Variants in APBA2 observed in about 807,000 individuals in gnomAD.
APBA2 encodes amyloid beta precursor protein binding family A member 2, also known as amyloid-beta A4 precursor protein-binding family A member 2.
APBA2 carries 30 observed loss-of-function variants against 75.0 expected under a neutral mutation model. The observed-to-expected ratio is 0.40, with a 90% confidence interval of 0.30 to 0.54. APBA2 has a LOEUF of 0.54. Ranked by LOEUF, APBA2 falls within the 20% of genes least tolerant of loss-of-function variation. The pLI is 0.49. For missense variants in APBA2, 801 were observed against 1,016.1 expected, an observed-to-expected ratio of 0.79 and a Z score of 2.88; for synonymous variants, 444 against 409.6, an observed-to-expected ratio of 1.08 and a Z score of -1.01.
intron 13 of APBA2, among the ~76,000 whole-genome samples, chr15:29,110,979 G>A (rs1219686670): frequency 1.3e-5 from 2 of 152,120 alleles, no homozygotes; most frequent in Non-Finnish European, 2.9e-5. Flanking sequence ...AGGTGGGTCC[G>A]AGTGGCCAGG....
chr15:28,907,944 C>T (rs1293636612), intron 1 of APBA2, among the ~76,000 whole-genome samples: 2 of 152,020 alleles, frequency 1.3e-5, no homozygotes, highest in East Asian at 1.9e-4. Flanking sequence ...GGAACCCTTT[C>T]GTTTCTAAAA....
chr15:28,969,142 T>TTCTTTCTTTC (rs2036907307), intron 2 of APBA2, among the ~76,000 whole-genome samples: 1 of 74,460 alleles, frequency 1.3e-5, no homozygotes, highest in African/African-American at 5.0e-4. Context: ...CTTTCTTTCT[T>TTCTTTCTTTC]TCTTTCTTTC....
chr15:29,029,471 T>G (rs1185140685), intron 3 of APBA2, among the ~76,000 whole-genome samples: 2 of 152,246 alleles, frequency 1.3e-5, no homozygotes, highest in African/African-American at 4.8e-5. Context: ...TTTCTAAGCC[T>G]CAGTTATTTA....
intron 2 of APBA2, among the ~76,000 whole-genome samples, chr15:28,961,029 G>C (rs987281284): frequency 6.6e-6 from 1 of 152,092 alleles, no homozygotes; most frequent in Non-Finnish European, 1.5e-5. Flanking sequence ...AGAGTGCTGG[G>C]ATTACAGGCG....
chr15:28,911,970 C>T (rs2152651514), intron 1 of APBA2, among the ~76,000 whole-genome samples: 1 of 152,322 alleles, frequency 6.6e-6, no homozygotes, highest in East Asian at 1.9e-4. Context: ...AAAGCGATTT[C>T]AAGAGCATCA....
chr15:29,098,501 G>A lies in APBA2; in HGVS notation c.1263G>A (p.Gly421=), dbSNP rs367808207. 4 of 1,613,974 alleles carry A rather than the reference G, an allele frequency of 2.5e-6. No individual in the cohort carries two copies. The highest frequency in any genetic ancestry group is 3.4e-6 in the Non-Finnish European group (4 of 1,179,854). ...ACTGTCCTTCTTAGAATTCTGAGGG[G>A]GATGCCCAGACGCTGACGGAAGTGG... ...AKIKKKANSE[G]DAQTLTEVDL... is the part of the protein sequence containing the mutation. Residue 421 remains glycine, a synonymous_variant, in exon 9 of 15, where the codon GGG becomes GGA. Transcript: ENST00000683413.
chr15:29,051,627 G>A (rs971915380), intron 3 of APBA2, among the ~76,000 whole-genome samples: 2 of 152,124 alleles, frequency 1.3e-5, no homozygotes, highest in African/African-American at 2.4e-5. Context: ...TATTCATACT[G>A]CTGTAACCGT....
intron 3 of APBA2, among the ~76,000 whole-genome samples, chr15:28,998,614 G>C (rs1212524528): frequency 6.6e-6 from 1 of 152,158 alleles, no homozygotes; most frequent in Non-Finnish European, 1.5e-5. Flanking sequence ...GTTCCTGATG[G>C]AGAGCCAGGA....
At chr15:29,021,302 GCGGATCAC>G (rs2039942652) in intron 3 of APBA2, among the ~76,000 whole-genome samples, 1 of 152,192 alleles carries the variant, frequency 6.6e-6, no homozygotes, top group South Asian at 2.1e-4. Flanking sequence ...GCCAAGGCGG[GCGGATCAC>G]CTGAGGTCAG....
intron 4 of APBA2, among the ~76,000 whole-genome samples, chr15:29,065,432 A>G (rs529840006): frequency 6.6e-6 from 1 of 152,354 alleles, no homozygotes; most frequent in South Asian, 2.1e-4. Flanking sequence ...CAAAGCATTC[A>G]GATCACAACC....
At chr15:29,082,137 A>G (rs994885514) in intron 6 of APBA2, among the ~76,000 whole-genome samples, 2 of 152,210 alleles carry the variant, frequency 1.3e-5, no homozygotes, top group East Asian at 1.9e-4. Flanking sequence ...GAAGCCAAAC[A>G]CTATTTCGTA....
At chr15:29,059,472 A>T (rs560680735) in intron 4 of APBA2, among the ~76,000 whole-genome samples, 44 of 152,322 alleles carry the variant, frequency 2.9e-4, no homozygotes, top group African/African-American at 1.1e-3. Flanking sequence ...ATAACTGATT[A>T]AAAAACACAT....
intron 13 of APBA2, among the ~76,000 whole-genome samples, chr15:29,113,107 T>G (rs2152982594): frequency 1.3e-5 from 2 of 152,298 alleles, no homozygotes; most frequent in African/African-American, 4.8e-5. Flanking sequence ...GTCCGTGCTG[T>G]CACCCTCGGC....
intron 6 of APBA2, among the ~76,000 whole-genome samples, chr15:29,084,899 G>C (rs1201394803): frequency 6.6e-6 from 1 of 152,128 alleles, no homozygotes; most frequent in Non-Finnish European, 1.5e-5. Context: ...GTAAAATAGT[G>C]GTTGTTTTTA....
At chr15:28,945,559 G>T (rs1323088980) in intron 2 of APBA2, among the ~76,000 whole-genome samples, 1 of 144,362 alleles carries the variant, frequency 6.9e-6, no homozygotes, top group Non-Finnish European at 1.5e-5. Flanking sequence ...TTGCTCTGTT[G>T]CCCAGGCTAG....
At chr15:28,900,298 A>G (rs780919791) in intron 1 of APBA2, among the ~76,000 whole-genome samples, 1 of 152,188 alleles carries the variant, frequency 6.6e-6, no homozygotes, top group East Asian at 1.9e-4. Context: ...CAAATCACCA[A>G]TGCTGGGCAC....
chr15:28,983,589 G>A (rs774015370), intron 2 of APBA2, among the ~76,000 whole-genome samples: 1 of 152,226 alleles, frequency 6.6e-6, no homozygotes, highest in Non-Finnish European at 1.5e-5. Context: ...GTAATGTAGT[G>A]AACAAGGTGG....
intron 5 of APBA2, among the ~76,000 whole-genome samples, chr15:29,075,839 A>G (rs2042825409): frequency 6.6e-6 from 1 of 151,970 alleles, no homozygotes; most frequent in South Asian, 2.1e-4. Flanking sequence ...GAGGGCCCCT[A>G]AGTTTTAGAT....
rs376727673 is a variant in APBA2 at position 29,118,038 on chromosome 15, G to A, written c.*905G>A. 4.1e-4 allele frequency: 62 copies of A among 152,696 alleles called. No homozygotes were observed. The highest frequency in any genetic ancestry group is 1.4e-3 in the African/African-American group (57 of 41,588). The allele number at this position is 152,696 out of a possible 1,614,324, so 9.5% of individuals were successfully genotyped here. A position where few individuals can be genotyped will look rare whatever the true frequency, so the allele number is the denominator to read the frequency against. ...CGTGAGTGCAGACCCCTTGGCCAGC[G>A]TGGCGCAGTGGCCCTGAGCAGTAGT... On this transcript the variant is annotated 3_prime_UTR_variant, in exon 15 of 15. Coordinates refer to ENST00000683413, the MANE Select transcript of APBA2 (RefSeq NM_001353788.2).
Sources: gnomAD v4.1 joint callset for allele counts (sites outside exome capture counted in the v4.1 genomes callset) on GRCh38, gnomAD v4.1.1 for gene constraint, MANE v1.5 for transcripts, NCBI Gene and HGNC (gene_info 2026-07-23, HGNC 2026-07-21) for gene names.